PRXL2C: variants seen among roughly 807,000 people sequenced by gnomAD.
PRXL2C encodes the protein peroxiredoxin-like 2C.
Under a neutral mutation model 24.9 loss-of-function variants are expected in PRXL2C, and 38 were observed. The observed-to-expected ratio is 1.53, with a 90% CI of 1.18 to 2.00. The LOEUF (loss-of-function observed/expected upper bound fraction) is 2.00, where lower values mean the gene tolerates loss of function less well. PRXL2C is among the 30% of genes most tolerant of loss of function. PRXL2C has a pLI of 0.00. For missense variants in PRXL2C, 294 were observed against 290.9 expected (o/e 1.01, Z -0.08); for synonymous variants, 98 against 117.2 (o/e 0.84, Z 1.06).
At position 96,651,457 on chromosome 9, in the gene PRXL2C, A is replaced by G. The variant is rs143527332; in HGVS notation, c.354T>C (p.Tyr118=). The change falls in exon 4 of 6, where the codon TAT becomes TAC. Residue 118 remains tyrosine, a synonymous_variant. Coordinates refer to ENST00000375234, the MANE Select transcript of PRXL2C (RefSeq NM_153698.2). The part of the protein sequence containing the change: ...CKLTGYSHEI[Y]VDPEREIYKR... ...TATAAATTTCTCTCTCAGGATCGACATAGATTTCATGAGAATATCCAGTCA... is the reference window on the plus strand; with the variant it reads ...TATAAATTTCTCTCTCAGGATCGACGTAGATTTCATGAGAATATCCAGTCA... 1.3e-5 allele frequency: 21 copies of G among 1,613,012 alleles called. No homozygotes were observed. The highest frequency in any genetic ancestry group is 1.8e-5 in the Non-Finnish European group (21 of 1,179,834).
chr9:96,649,190 A>G (rs1183237341), intron 4 of PRXL2C, among the ~76,000 whole-genome samples: 1 of 152,124 alleles, frequency 6.6e-6, no homozygotes, highest in African/African-American at 2.4e-5. Flanking sequence ...TCCTATACTA[A>G]AGAGAGAGAA....
At chr9:96,645,221 TGAAA>T in intron 5 of PRXL2C, among the ~76,000 whole-genome samples, 1 of 151,672 alleles carries the variant, frequency 6.6e-6, no homozygotes, top group Non-Finnish European at 1.5e-5. Context: ...ATTCTTTTCT[TGAAA>T]AAAAAGGCAC....
At chr9:96,651,243 A>C in intron 4 of PRXL2C, 147 bp downstream of exon 4, 1 of 614,290 alleles carries the variant, frequency 1.6e-6, no homozygotes, top group Non-Finnish European at 2.8e-6. Context: ...ACACCACTGC[A>C]CTCCTGCCCC....
chr9:96,648,103 A>G (rs1848219653), intron 4 of PRXL2C, among the ~76,000 whole-genome samples: 1 of 148,964 alleles, frequency 6.7e-6, no homozygotes, highest in Non-Finnish European at 1.5e-5. Flanking sequence ...GGGTCTGGCC[A>G]TGTTGCCCAG....
At chr9:96,646,410 G>T (rs1848201960) in intron 4 of PRXL2C, among the ~76,000 whole-genome samples, 1 of 152,170 alleles carries the variant, frequency 6.6e-6, no homozygotes, top group Non-Finnish European at 1.5e-5. Flanking sequence ...TCTCAAATTA[G>T]CAGTGCTTTC....
chr9:96,654,479 C>G (rs1035144474), intron 2 of PRXL2C, among the ~76,000 whole-genome samples: 1 of 152,212 alleles, frequency 6.6e-6, no homozygotes, highest in Admixed American at 6.5e-5. Flanking sequence ...ACTAGGTTAC[C>G]AGGCAACACC....
intron 2 of PRXL2C, 122 bp downstream of exon 2, chr9:96,654,583 G>C: frequency 1.2e-6 from 1 of 822,236 alleles, no homozygotes; most frequent in Non-Finnish European, 2.0e-6. Flanking sequence ...GGGCGAGGGT[G>C]GAGAGAGCTG....
chr9:96,641,769 A>G lies in PRXL2C; in HGVS notation c.671T>C (p.Ile224Thr). 5 of 1,569,506 alleles carry G rather than the reference A, an allele frequency of 3.2e-6. No homozygotes were observed. Among genetic ancestry groups the G allele is most frequent in the Non-Finnish European group, 3.5e-6 (4 of 1,148,424 alleles). Reference protein sequence around the residue: ...HVNFTNRPSVIHV With the variant: ...HVNFTNRPSVTHV ...TGAGTGCATTTTAAGTCACACATGG[A>G]TAACTGAAGGTCTGTTTGTAAAGTT... Residue 224 changes from isoleucine (I) to threonine (T), a missense_variant, in exon 6 of 6, where the codon ATC becomes ACC. Physicochemically the swap from Ile to Thr is moderately conservative, Grantham distance 89. Coordinates refer to ENST00000375234, the MANE Select transcript of PRXL2C (RefSeq NM_153698.2).
chr9:96,647,637 G>A lies in PRXL2C; in HGVS notation c.422-1613C>T, dbSNP rs539680796. ...TCCTGGGCTCAAGCGATCCTCCCCC[G>A]TCAGCTTCCTAAGTAGCTGCGACCA... On this transcript the variant is annotated intron_variant, in intron 4 of 5. Transcript: ENST00000375234. Among the ~76,000 whole-genome samples the A allele has an allele frequency of 9.9e-5, 15 of 151,684 alleles. No individual in the cohort carries two copies. The South Asian group carries it at 2.7e-3, about 27-fold the overall frequency.
Position 96,654,594 on chromosome 9 carries a change from C to CG in PRXL2C, c.261+110dup, listed in dbSNP as rs1413012989. The CG allele has an allele frequency of 3.2e-6, 3 of 929,954 alleles. No individual in the cohort carries two copies. The African/African-American group carries it at 5.0e-5, about 16-fold the overall frequency. The allele number at this position is 929,954 out of a possible 1,614,324, so 57.6% of individuals were successfully genotyped here. A position where few individuals can be genotyped will look rare whatever the true frequency, so the allele number is the denominator to read the frequency against. ...GGAGGGGCGAGGGTGGAGAGAGCTG[C>CG]GGGGAGGGGCAATCCAGGCTGCAAG... On this transcript the variant is annotated intron_variant, in intron 2 of 5. Transcript: ENST00000375234.
intron 2 of PRXL2C, among the ~76,000 whole-genome samples, chr9:96,652,055 T>C (rs1263302691): frequency 6.6e-6 from 1 of 151,936 alleles, no homozygotes; most frequent in African/African-American, 2.4e-5. Flanking sequence ...AATAGACAAA[T>C]GGGACTATAT....
intron 4 of PRXL2C, among the ~76,000 whole-genome samples, chr9:96,646,642 G>C (rs1564408789): frequency 6.6e-6 from 1 of 152,136 alleles, no homozygotes. Flanking sequence ...CTGCTTCCAG[G>C]CCAAGCTCCT....
At chr9:96,654,101 A>G (rs543865992) in intron 2 of PRXL2C, among the ~76,000 whole-genome samples, 2 of 152,284 alleles carry the variant, frequency 1.3e-5, no homozygotes, top group East Asian at 3.9e-4. Context: ...CGGCCTCCCA[A>G]AGTGCTGGGA....
At chr9:96,642,660 C>G (rs921115214) in intron 5 of PRXL2C, among the ~76,000 whole-genome samples, 5 of 151,908 alleles carry the variant, frequency 3.3e-5, no homozygotes, top group African/African-American at 1.2e-4. Context: ...ATTCTCTTGC[C>G]TCAGCCTCCC....
intron 5 of PRXL2C, among the ~76,000 whole-genome samples, chr9:96,644,064 C>T (rs7848633): frequency 0.097 from 13,836 of 142,170 alleles, 2,144 homozygotes; most frequent in African/African-American, 0.34. Context: ...TCCCGGGAGG[C>T]GGAGGTTGTA....
In PRXL2C at chr9:96,640,544, A is replaced by G. The variant is rs1206852229; in HGVS notation, c.*1215T>C. The G allele has an allele frequency of 6.6e-6, 1 of 152,174 alleles. No individual in the cohort carries two copies. Among genetic ancestry groups the G allele is most frequent in the Non-Finnish European group, 1.4e-5 (1 of 71,866 alleles). The allele number at this position is 152,174 out of a possible 1,614,324, so 9.4% of individuals were successfully genotyped here. On this transcript the variant is annotated 3_prime_UTR_variant, in exon 6 of 6. Transcript: ENST00000375234. ...AAAAAAAAAAAAAAAAAAAAAAAAA[A>G]AAGCCAGGCAAGGTGGCTCATACCT...
intron 4 of PRXL2C, among the ~76,000 whole-genome samples, chr9:96,650,611 C>T (rs1045630988): frequency 6.6e-6 from 1 of 151,774 alleles, no homozygotes; most frequent in Non-Finnish European, 1.5e-5. Context: ...TGATTTCAAA[C>T]GATAAGTGGG....
At chr9:96,654,865 A>G (rs1301827753) in intron 1 of PRXL2C, 92 bp from the exon 2 acceptor site, 5 of 1,358,448 alleles carry the variant, frequency 3.7e-6, no homozygotes, top group Non-Finnish European at 5.0e-6. Context: ...TGACGCGAGC[A>G]AAGGCGACGC....
chr9:96,645,051 C>A (rs1039368301), intron 5 of PRXL2C, among the ~76,000 whole-genome samples: 1 of 151,122 alleles, frequency 6.6e-6, no homozygotes, highest in South Asian at 2.1e-4. Context: ...GGACTACAGG[C>A]ACCCGCCACC....
Sources: allele counts gnomAD v4.1 joint callset (sites outside exome capture counted in the v4.1 genomes callset), GRCh38; gene constraint gnomAD v4.1.1; transcripts MANE v1.5; gene names NCBI Gene and HGNC (gene_info 2026-07-23, HGNC 2026-07-21).